FSTL4: variants seen among roughly 807,000 people sequenced by gnomAD.
FSTL4 encodes follistatin-related protein 4.
FSTL4 carries 28 observed loss-of-function variants against 78.2 expected under a neutral mutation model. The ratio of observed to expected loss-of-function variants is 0.36; its 90% CI spans 0.27 to 0.49. FSTL4 has a LOEUF of 0.49. FSTL4 is among the 20% of genes least tolerant of loss of function. The pLI, the probability that FSTL4 is intolerant of heterozygous loss-of-function variation, is 0.98. For missense variants in FSTL4, 922 were observed against 1,084.9 expected (o/e 0.85, Z 2.11); for synonymous variants, 422 against 440.5 (o/e 0.96, Z 0.53).
rs998308493 is a variant in FSTL4 at position 133,612,150 on chromosome 5, A to C, written c.-11+175T>G. 6.6e-6 allele frequency among the ~76,000 whole-genome samples: 1 copy of C among 151,844 alleles called. No individual in the cohort carries two copies. The highest frequency in any genetic ancestry group is 2.4e-5 in the African/African-American group (1 of 41,370). Reference sequence around the variant, plus strand: ...GCCCAGCGGTCCCTTCCCCGCGGGCAAACTTGGCTTTCCCGGCGCGGGCAG... The same window carrying C: ...GCCCAGCGGTCCCTTCCCCGCGGGCCAACTTGGCTTTCCCGGCGCGGGCAG... On this transcript the variant is annotated intron_variant, in intron 1 of 15. Transcript: ENST00000265342. The surrounding 1 kb of genome is among the most constrained non-coding windows in gnomAD (Gnocchi z 6.2).
chr5:133,774,021 A>G, the FSTL4 span, among the ~76,000 whole-genome samples: 1 of 152,212 alleles, frequency 6.6e-6, no homozygotes, highest in Non-Finnish European at 1.5e-5. Flanking sequence ...CTTTGTCACT[A>G]TAAGAGCAAT....
At chr5:133,455,790 G>C (rs1295981647) in intron 3 of FSTL4, among the ~76,000 whole-genome samples, 1 of 152,240 alleles carries the variant, frequency 6.6e-6, no homozygotes, top group Non-Finnish European at 1.5e-5. Context: ...TTATGAACAA[G>C]ACTCCTGGCC....
At chr5:133,630,623 T>G in the FSTL4 span, among the ~76,000 whole-genome samples, 2 of 152,084 alleles carry the variant, frequency 1.3e-5, no homozygotes, top group Non-Finnish European at 2.9e-5. Context: ...TGACTTTCTT[T>G]ACAGAATTAG....
chr5:133,459,818 T>C (rs1757558272), intron 3 of FSTL4, among the ~76,000 whole-genome samples: 1 of 152,174 alleles, frequency 6.6e-6, no homozygotes, highest in South Asian at 2.1e-4. Context: ...CTCTGGCTTA[T>C]CCACACTGGA....
At chr5:133,663,440 G>A in the FSTL4 span, among the ~76,000 whole-genome samples, 4 of 152,302 alleles carry the variant, frequency 2.6e-5, no homozygotes, top group Non-Finnish European at 5.9e-5. Flanking sequence ...ATATCAATGA[G>A]CCTTTCTTCA....
At chr5:133,382,891 G>C (rs1755607725) in intron 4 of FSTL4, among the ~76,000 whole-genome samples, 1 of 152,122 alleles carries the variant, frequency 6.6e-6, no homozygotes, top group Admixed American at 6.5e-5. Context: ...AGAAGATGAG[G>C]AGGAGTACAG....
rs373851585 is a variant in FSTL4 at position 133,466,407 on chromosome 5, T to C, written c.161-65421A>G. Among the ~76,000 whole-genome samples, 8 of 152,026 alleles carry C rather than the reference T, an allele frequency of 5.3e-5. No homozygotes were observed. The East Asian group carries it at 9.7e-4, about 18-fold the overall frequency. On this transcript the variant is annotated intron_variant, in intron 3 of 15. Transcript: ENST00000265342. ...AATACAAAAAATTAGCCGGGTGCGG[T>C]GGCAGGCGCCTGTAGTCCCAGCTAC... is the stretch of plus-strand genomic sequence containing the variant.
intron 3 of FSTL4, among the ~76,000 whole-genome samples, chr5:133,444,072 G>A (rs767656912): frequency 2.6e-4 from 40 of 152,182 alleles, no homozygotes; most frequent in Non-Finnish European, 5.1e-4. Flanking sequence ...CACATGGAGG[G>A]TAGGAGCCAC....
At chr5:133,544,562 A>G (rs1426211598) in intron 3 of FSTL4, among the ~76,000 whole-genome samples, 3 of 152,102 alleles carry the variant, frequency 2.0e-5, no homozygotes, top group Non-Finnish European at 2.9e-5. Context: ...TGAGCACCAC[A>G]CTCACCCCCG....
At chr5:133,479,211 C>T (rs770563554) in intron 3 of FSTL4, among the ~76,000 whole-genome samples, 26 of 152,040 alleles carry the variant, frequency 1.7e-4, no homozygotes, top group African/African-American at 5.6e-4. Flanking sequence ...CCCATGAAGG[C>T]GGGGACCATG....
At chr5:133,713,437 C>A in the FSTL4 span, among the ~76,000 whole-genome samples, 1 of 152,234 alleles carries the variant, frequency 6.6e-6, no homozygotes, top group East Asian at 1.9e-4. Context: ...CCAGATCTGA[C>A]TGATGGTACC....
chr5:133,205,708 A>ATTAAG (rs1466106459), intron 14 of FSTL4, among the ~76,000 whole-genome samples: 3 of 152,336 alleles, frequency 2.0e-5, no homozygotes, highest in South Asian at 2.1e-4. Flanking sequence ...GAATCTAAAC[A>ATTAAG]TTAAGTTTCA....
In FSTL4 at chr5:133,400,850, A is replaced by G; in HGVS notation, c.297T>C (p.Pro99=). 6.2e-7 allele frequency: 1 copy of G among 1,614,006 alleles called. No homozygotes were observed. Among genetic ancestry groups the G allele is most frequent in the South Asian group, 1.1e-5 (1 of 91,078 alleles). Residue 99 remains proline (P), a synonymous_variant, in exon 4 of 16, where the codon CCT becomes CCC. Coordinates refer to ENST00000265342, the MANE Select transcript of FSTL4 (RefSeq NM_015082.2). ...AAAACCTCCCATCAGAGCCGCACACAGGCACGTAGCTGGGCCTGCATGCCT... is the reference window on the plus strand; with the variant it reads ...AAAACCTCCCATCAGAGCCGCACACGGGCACGTAGCTGGGCCTGCATGCCT... The part of the protein sequence containing the change: ...CLEACRPSYV[P]VCGSDGRFYE...
At chr5:133,302,611 G>A (rs1753568942) in intron 6 of FSTL4, among the ~76,000 whole-genome samples, 1 of 152,168 alleles carries the variant, frequency 6.6e-6, no homozygotes, top group African/African-American at 2.4e-5. Flanking sequence ...GGGGAAACAG[G>A]AGTCCCACCA....
At chr5:133,281,129 G>T (rs915451661) in intron 6 of FSTL4, among the ~76,000 whole-genome samples, 3 of 152,178 alleles carry the variant, frequency 2.0e-5, no homozygotes, top group African/African-American at 4.8e-5. Context: ...ACCCCCTGGA[G>T]TTGCTTTTGT....
At chr5:133,489,686 A>G (rs1398836981) in intron 3 of FSTL4, among the ~76,000 whole-genome samples, 13 of 152,202 alleles carry the variant, frequency 8.5e-5, no homozygotes, top group Admixed American at 8.5e-4. Flanking sequence ...CAATGGATAC[A>G]TAGTATGTCA....
chr5:133,302,749 G>A (rs556680539), intron 6 of FSTL4, among the ~76,000 whole-genome samples: 9 of 152,326 alleles, frequency 5.9e-5, no homozygotes. Context: ...CTGCTCACCC[G>A]GCGCATGCCA....
chr5:133,439,446 A>C (rs190087319), intron 3 of FSTL4, among the ~76,000 whole-genome samples: 1 of 152,180 alleles, frequency 6.6e-6, no homozygotes, highest in East Asian at 1.9e-4. Context: ...CACACATTAA[A>C]TTTTTCATTC....
chr5:133,823,218 C>T, the FSTL4 span, among the ~76,000 whole-genome samples: 1 of 152,142 alleles, frequency 6.6e-6, no homozygotes, highest in Admixed American at 6.5e-5. Flanking sequence ...TTCATAGGTC[C>T]CAATCAGCTC....
Sources: gnomAD v4.1 joint callset for allele counts (sites outside exome capture counted in the v4.1 genomes callset) on GRCh38, gnomAD v4.1.1 for gene constraint, Gnocchi (gnomAD v3.1) non-coding constraint, MANE v1.5 for transcripts, NCBI Gene and HGNC (gene_info 2026-07-23, HGNC 2026-07-21) for gene names.